Variants in SLC2A2 observed in about 807,000 individuals in gnomAD.
SLC2A2 encodes solute carrier family 2 member 2.
SLC2A2 carries 36 observed loss-of-function variants against 54.5 expected under a neutral mutation model. That is an observed-to-expected ratio of 0.66 (90% CI 0.51 to 0.87). SLC2A2 has a LOEUF of 0.87. Among genes scored for constraint, SLC2A2 ranks in the 40% least tolerant of loss-of-function variants. The pLI, the probability that SLC2A2 is intolerant of heterozygous loss-of-function variation, is 0.00. For missense variants in SLC2A2, 543 were observed against 624.3 expected (o/e 0.87, Z 1.39); for synonymous variants, 223 against 219.1 (o/e 1.02, Z -0.16).
chr3:171,021,775 T>A (rs2108265422), intron 1 of SLC2A2, among the ~76,000 whole-genome samples: 1 of 152,322 alleles, frequency 6.6e-6, no homozygotes, highest in Admixed American at 6.5e-5. Context: ...AAGTCTGTCG[T>A]TTTGCCCTGG....
At chr3:171,002,881 C>T (rs1271663974) in intron 7 of SLC2A2, among the ~76,000 whole-genome samples, 1 of 151,948 alleles carries the variant, frequency 6.6e-6, no homozygotes, top group Non-Finnish European at 1.5e-5. Context: ...CTTAAACGTC[C>T]TCCTTATATT....
rs747746473 is a variant in SLC2A2 at position 171,026,499 on chromosome 3, G to A, written c.15+157C>T. Among the ~76,000 whole-genome samples, 51 of 150,600 alleles carry A rather than the reference G, an allele frequency of 3.4e-4. 1 individual carries two copies. The highest frequency in any genetic ancestry group is 6.2e-4 in the Non-Finnish European group (42 of 67,902). On this transcript the variant is annotated intron_variant, in intron 1 of 10. Coordinates refer to ENST00000314251, the MANE Select transcript of SLC2A2 (RefSeq NM_000340.2). ...AAAAATCCTTAAAACCCCAATTACT[G>A]AATAAGAAACAGTTCTTCAATTGGC...
intron 9 of SLC2A2, 52 bp downstream of exon 9, chr3:170,999,013 C>T: frequency 8.8e-7 from 1 of 1,135,372 alleles, no homozygotes; most frequent in Non-Finnish European, 1.3e-6. Flanking sequence ...CACAGAGGTG[C>T]CAGGTACCAT....
At chr3:171,017,010 G>A (rs1182549261) in intron 2 of SLC2A2, among the ~76,000 whole-genome samples, 6 of 151,898 alleles carry the variant, frequency 4.0e-5, no homozygotes, top group African/African-American at 7.3e-5. Flanking sequence ...GTGCCACCAC[G>A]CCCAGCTAAT....
intron 2 of SLC2A2, 100 bp from the exon 3 acceptor site, chr3:171,014,831 A>G: frequency 3.3e-6 from 3 of 917,892 alleles, no homozygotes; most frequent in Non-Finnish European, 5.2e-6. Flanking sequence ...GTACCATCTC[A>G]ATTATGTGTT....
chr3:171,007,945 T>C (rs969069823), intron 4 of SLC2A2, among the ~76,000 whole-genome samples: 2 of 152,096 alleles, frequency 1.3e-5, no homozygotes, highest in Non-Finnish European at 2.9e-5. Flanking sequence ...CTTAAACGAA[T>C]ACAAAACATT....
At chr3:171,001,930 T>G (rs1322968043) in intron 8 of SLC2A2, among the ~76,000 whole-genome samples, 1 of 151,884 alleles carries the variant, frequency 6.6e-6, no homozygotes, top group East Asian at 1.9e-4. Context: ...GACTTTTTTT[T>G]TTGTTGGAAG....
intron 1 of SLC2A2, among the ~76,000 whole-genome samples, chr3:171,025,323 T>A (rs1273029630): frequency 7.3e-6 from 1 of 136,558 alleles, no homozygotes; most frequent in African/African-American, 3.2e-5. Context: ...ATAATATAAT[T>A]TATCTTTTAT....
In SLC2A2 at chr3:170,997,688, T is replaced by C. The variant is rs1199139760; in HGVS notation, c.*215A>G. Reference sequence around the variant, plus strand: ...TTTAGTGTAACAAAATAAACTAGCCTTTTTGGTTTACTTAATTACAGTCTT... The same window carrying C: ...TTTAGTGTAACAAAATAAACTAGCCCTTTTGGTTTACTTAATTACAGTCTT... On this transcript the variant is annotated 3_prime_UTR_variant, in exon 11 of 11. Transcript: ENST00000314251. The C allele has an allele frequency of 7.2e-6, 4 of 558,676 alleles. No homozygotes were observed. The highest frequency in any genetic ancestry group is 1.3e-5 in the Non-Finnish European group (4 of 318,888). The allele number at this position is 558,676 out of a possible 1,614,324, so 34.6% of individuals were successfully genotyped here.
chr3:171,009,094 G>T (rs1715755502), intron 4 of SLC2A2, among the ~76,000 whole-genome samples: 1 of 152,124 alleles, frequency 6.6e-6, no homozygotes, highest in East Asian at 1.9e-4. Context: ...TTGTGAAAAT[G>T]GGTTAAAATC....
chr3:171,010,478 A>C (rs1339518714), intron 3 of SLC2A2, among the ~76,000 whole-genome samples: 2 of 152,176 alleles, frequency 1.3e-5, no homozygotes, highest in African/African-American at 4.8e-5. Flanking sequence ...GGACAAGCTT[A>C]AGATAACACT....
intron 3 of SLC2A2, among the ~76,000 whole-genome samples, chr3:171,011,990 A>T (rs989606599): frequency 2.1e-4 from 32 of 152,186 alleles, no homozygotes; most frequent in African/African-American, 7.5e-4. Context: ...TTTAAAAAAT[A>T]CATGAAATAG....
At chr3:171,013,429 T>G (rs936822985) in intron 3 of SLC2A2, among the ~76,000 whole-genome samples, 6 of 152,100 alleles carry the variant, frequency 3.9e-5, no homozygotes, top group Admixed American at 3.9e-4. Context: ...TGGAGAAAAC[T>G]CCATTTCAAA....
At chr3:171,000,003 A>G (rs1715273876) in intron 8 of SLC2A2, among the ~76,000 whole-genome samples, 3 of 152,092 alleles carry the variant, frequency 2.0e-5, no homozygotes, top group South Asian at 2.1e-4. Context: ...CTCACCCCCC[A>G]CAAAACTTCC....
intron 2 of SLC2A2, among the ~76,000 whole-genome samples, chr3:171,017,009 C>T (rs937308655): frequency 4.6e-5 from 7 of 152,140 alleles, no homozygotes; most frequent in African/African-American, 7.2e-5. Context: ...TGTGCCACCA[C>T]GCCCAGCTAA....
chr3:170,999,353 A>G (rs1715240142), intron 8 of SLC2A2, among the ~76,000 whole-genome samples, 187 bp from the exon 9 acceptor site: 1 of 152,110 alleles, frequency 6.6e-6, no homozygotes, highest in African/African-American at 2.4e-5. Context: ...TGGCAGAGCT[A>G]GTTTCAGTGG....
At chr3:171,005,537 T>A in intron 6 of SLC2A2, 65 bp from the exon 7 acceptor site, 2 of 1,311,834 alleles carry the variant, frequency 1.5e-6, no homozygotes, top group Non-Finnish European at 1.1e-6. Flanking sequence ...TATTTTTATG[T>A]TAATGAAAGA....
chr3:170,999,305 G>C (rs1715237965), intron 8 of SLC2A2, 139 bp from the exon 9 acceptor site: 1 of 697,132 alleles, frequency 1.4e-6, no homozygotes, highest in South Asian at 1.5e-5. Flanking sequence ...CCATTTTACA[G>C]GAGTGAGATC....
At chr3:171,001,683 CTCAT>C (rs1365697773) in intron 8 of SLC2A2, among the ~76,000 whole-genome samples, 1 of 151,868 alleles carries the variant, frequency 6.6e-6, no homozygotes, top group Non-Finnish European at 1.5e-5. Context: ...CTCAATGACT[CTCAT>C]TCTACAGTGA....
Sources: gnomAD v4.1 joint callset for allele counts (sites outside exome capture counted in the v4.1 genomes callset) on GRCh38, gnomAD v4.1.1 for gene constraint, MANE v1.5 for transcripts, NCBI Gene and HGNC (gene_info 2026-07-23, HGNC 2026-07-21) for gene names.